The following SUPT3H variants were observed in gnomAD, a reference collection of about 807,000 sequenced individuals.
The protein encoded by SUPT3H is SPT3 homolog, SAGA and STAGA complex component, also known as transcription initiation protein SPT3 homolog.
SUPT3H carries 44 observed loss-of-function variants against 44.3 expected under a neutral mutation model. That is an observed-to-expected ratio of 0.99 (90% CI 0.78 to 1.28). The LOEUF (loss-of-function observed/expected upper bound fraction) is 1.28, where lower values mean the gene tolerates loss of function less well. SUPT3H is among the 50% of genes most tolerant of loss of function. SUPT3H has a pLI of 0.00. For synonymous variants in SUPT3H, 124 were observed against 125.6 expected (o/e 0.99, Z 0.09); for missense variants, 380 against 387.1 (o/e 0.98, Z 0.15).
Position 44,957,768 on chromosome 6 carries a change from G to T in SUPT3H, c.581-3161C>A, listed in dbSNP as rs199771399. ...AGACTCACAAGAAATATTTCCAGAA[G>T]AAATGAATAAATGAATGAAGTATTT... On this transcript the variant is annotated intron_variant, in intron 7 of 10. Coordinates refer to ENST00000371459, the MANE Select transcript of SUPT3H (RefSeq NM_003599.4). Among the ~76,000 whole-genome samples the T allele has an allele frequency of 2.0e-5, 3 of 151,764 alleles. No homozygotes were observed. The East Asian group carries it at 5.8e-4, about 30-fold the overall frequency.
intron 2 of SUPT3H, among the ~76,000 whole-genome samples, chr6:45,235,634 G>A (rs78997880): frequency 0.022 from 3,292 of 152,206 alleles, 75 homozygotes; most frequent in Non-Finnish European, 0.037. Flanking sequence ...GTACTAGGAT[G>A]GTGAGAAGGT....
At chr6:44,945,005 C>T (rs1055560718) in intron 9 of SUPT3H, among the ~76,000 whole-genome samples, 7 of 151,944 alleles carry the variant, frequency 4.6e-5, no homozygotes, top group Non-Finnish European at 7.4e-5. Context: ...CTTATCAGTG[C>T]CATTTTTCCA....
chr6:45,260,905 G>A (rs1000396939), intron 2 of SUPT3H, among the ~76,000 whole-genome samples: 15 of 152,064 alleles, frequency 9.9e-5, no homozygotes, highest in Admixed American at 8.5e-4. Flanking sequence ...TGACCCAGCT[G>A]CGTCAGGTGT....
At chr6:45,196,175 TA>T (rs533809883) in intron 2 of SUPT3H, among the ~76,000 whole-genome samples, 10 of 151,912 alleles carry the variant, frequency 6.6e-5, no homozygotes, top group Non-Finnish European at 1.2e-4. Context: ...TAAAAGGGGG[TA>T]GGGGGCAGAT....
chr6:45,288,885 T>G (rs1307564422), intron 2 of SUPT3H, among the ~76,000 whole-genome samples: 1 of 151,886 alleles, frequency 6.6e-6, no homozygotes, highest in Non-Finnish European at 1.5e-5. Context: ...ACTTATCTTC[T>G]CTCCCTTCCA....
chr6:45,191,431 T>C (rs1296034738), intron 2 of SUPT3H, among the ~76,000 whole-genome samples: 2 of 152,022 alleles, frequency 1.3e-5, no homozygotes, highest in East Asian at 3.9e-4. Flanking sequence ...GAGGAATAGG[T>C]GGAGCACGCG....
At chr6:45,328,418 A>G (rs745887977) in intron 2 of SUPT3H, 1 of 1,435,368 alleles carries the variant, frequency 7.0e-7, no homozygotes, top group South Asian at 1.1e-5. Context: ...TTAAATGGTT[A>G]ATCTCCGCAG....
At chr6:45,135,518 AC>A (rs1260461777) in intron 2 of SUPT3H, among the ~76,000 whole-genome samples, 1 of 152,196 alleles carries the variant, frequency 6.6e-6, no homozygotes, top group Non-Finnish European at 1.5e-5. Flanking sequence ...TTATTCCACC[AC>A]ATACCTAGTT....
chr6:45,180,510 C>A (rs1812946521), intron 2 of SUPT3H, among the ~76,000 whole-genome samples: 1 of 27,070 alleles, frequency 3.7e-5, no homozygotes, highest in South Asian at 1.2e-3. Context: ...GTACTGGTAC[C>A]AAAACAGAGA....
At chr6:45,259,184 G>C (rs921970518) in intron 2 of SUPT3H, among the ~76,000 whole-genome samples, 1 of 152,056 alleles carries the variant, frequency 6.6e-6, no homozygotes, top group African/African-American at 2.4e-5. Context: ...GCGTTTATCA[G>C]ATCTTCCAAT....
chr6:45,234,132 C>T (rs1768616505), intron 2 of SUPT3H, among the ~76,000 whole-genome samples: 1 of 152,096 alleles, frequency 6.6e-6, no homozygotes, highest in South Asian at 2.1e-4. Context: ...GTAAATATTA[C>T]CTATGTATAA....
intron 9 of SUPT3H, among the ~76,000 whole-genome samples, 199 bp from the exon 10 acceptor site, chr6:44,932,962 A>T (rs1770830609): frequency 6.6e-6 from 1 of 152,132 alleles, no homozygotes; most frequent in Non-Finnish European, 1.5e-5. Context: ...TTTCTAGCAG[A>T]CCTACCAAAC....
At chr6:45,297,212 T>C (rs959802094) in intron 2 of SUPT3H, among the ~76,000 whole-genome samples, 1 of 152,204 alleles carries the variant, frequency 6.6e-6, no homozygotes, top group African/African-American at 2.4e-5. Flanking sequence ...GGGATATCTA[T>C]CTACCTGTCA....
intron 3 of SUPT3H, among the ~76,000 whole-genome samples, chr6:45,031,190 T>C (rs1313528967): frequency 6.6e-6 from 1 of 152,142 alleles, no homozygotes; most frequent in Non-Finnish European, 1.5e-5. Context: ...GAAGAACTCA[T>C]AAAAAAGTTT....
intron 2 of SUPT3H, among the ~76,000 whole-genome samples, chr6:45,262,521 T>C (rs1774540655): frequency 6.6e-6 from 1 of 152,066 alleles, no homozygotes; most frequent in Admixed American, 6.6e-5. Flanking sequence ...CAAGATGGAT[T>C]AAAGACTTAG....
intron 10 of SUPT3H, among the ~76,000 whole-genome samples, chr6:44,851,511 T>C (rs973189548): frequency 6.6e-6 from 1 of 152,212 alleles, no homozygotes; most frequent in Non-Finnish European, 1.5e-5. Context: ...CTAGATATAG[T>C]GGAACTAGTG....
At chr6:45,096,241 T>C (rs888644952) in intron 3 of SUPT3H, among the ~76,000 whole-genome samples, 8 of 152,176 alleles carry the variant, frequency 5.3e-5, no homozygotes, top group African/African-American at 7.2e-5. Context: ...CCTGTAAATA[T>C]GTCAATTTCA....
At chr6:44,849,219 ACTTTT>A (rs1331134096) in intron 10 of SUPT3H, among the ~76,000 whole-genome samples, 1 of 81,040 alleles carries the variant, frequency 1.2e-5, no homozygotes, top group African/African-American at 3.6e-5. Flanking sequence ...ACAAATGAAT[ACTTTT>A]TTTTTTTTTT....
At chr6:45,109,817 A>C (rs988261499) in intron 2 of SUPT3H, among the ~76,000 whole-genome samples, 3 of 152,192 alleles carry the variant, frequency 2.0e-5, no homozygotes, top group African/African-American at 7.2e-5. Context: ...AGTAATTGAT[A>C]CTTATACAAC....
Sources: allele counts gnomAD v4.1 joint callset (sites outside exome capture counted in the v4.1 genomes callset), GRCh38; gene constraint gnomAD v4.1.1; transcripts MANE v1.5; gene names NCBI Gene and HGNC (gene_info 2026-07-23, HGNC 2026-07-21).